Variants in WASHC4 observed in about 807,000 individuals in gnomAD.
WASHC4 encodes WASH complex subunit 7.
A neutral mutation model predicts 166.6 loss-of-function variants in WASHC4; 86 were observed. That is an observed-to-expected ratio of 0.52 (90% CI 0.43 to 0.62). WASHC4 has a LOEUF of 0.62. WASHC4 is among the 20% of genes least tolerant of loss of function. The probability of loss-of-function intolerance (pLI) is 0.00; values close to 1 mark genes in which losing one functional copy is unlikely to be tolerated. For synonymous variants in WASHC4, 446 were observed against 451.6 expected (o/e 0.99, Z 0.16); for missense variants, 1,262 against 1,382.4 (o/e 0.91, Z 1.38).
intron 7 of WASHC4, among the ~76,000 whole-genome samples, chr12:105,119,424 CT>C (rs538736465): frequency 8.7e-4 from 132 of 152,254 alleles, no homozygotes; most frequent in Middle Eastern, 3.4e-3. Context: ...TAACTGATAC[CT>C]GGAAGAGATA....
chr12:105,121,073 A>G, intron 8 of WASHC4, 28 bp from the exon 9 acceptor site: 1 of 1,487,176 alleles, frequency 6.7e-7, no homozygotes, highest in Non-Finnish European at 9.4e-7. Flanking sequence ...TAGTGACTAA[A>G]TGATAATCAT....
chr12:105,153,624 A>G (rs543857391), intron 26 of WASHC4, among the ~76,000 whole-genome samples: 3 of 152,334 alleles, frequency 2.0e-5, no homozygotes, highest in Admixed American at 2.0e-4. Flanking sequence ...ACTAATGCCT[A>G]TATGACATAC....
chr12:105,126,113 T>C lies in WASHC4; in HGVS notation c.896T>C (p.Val299Ala), dbSNP rs755961308. The C allele has an allele frequency of 3.8e-5, 61 of 1,612,926 alleles. 1 individual carries two copies. The highest frequency in any genetic ancestry group is 4.1e-5 in the Non-Finnish European group (48 of 1,179,364). Residue 299 changes from valine (V) to alanine (A), a missense_variant, in exon 11 of 33, where the codon GTA (valine) becomes GCA (alanine). Physicochemically the swap from Val to Ala is moderately conservative, Grantham distance 64. Coordinates refer to ENST00000332180, the MANE Select transcript of WASHC4 (RefSeq NM_015275.3). ...AGTATTCGGTCAATTTTTGCAAATG[T>C]AGAAGCCAAACTTGGTAATGTAAAT... ...AHSIRSIFAN[V>A]EAKLGEPSEI...
chr12:105,121,019 A>T, intron 8 of WASHC4, 82 bp from the exon 9 acceptor site: 1 of 902,158 alleles, frequency 1.1e-6, no homozygotes, highest in East Asian at 2.5e-5. Context: ...TAATCAGCCC[A>T]AATGATTTTA....
At chr12:105,129,242 G>T (rs115749113) in intron 13 of WASHC4, among the ~76,000 whole-genome samples, 4 of 151,892 alleles carry the variant, frequency 2.6e-5, no homozygotes, top group African/African-American at 9.7e-5. Context: ...CCGCGCCAAC[G>T]CCTGGCTAAT....
intron 7 of WASHC4, 49 bp from the exon 8 acceptor site, chr12:105,120,501 ATAAAC>A: frequency 9.6e-7 from 1 of 1,045,672 alleles, no homozygotes; most frequent in Non-Finnish European, 1.5e-6. Flanking sequence ...TGAAATAAGA[ATAAAC>A]TATGACAAAA....
In WASHC4 at chr12:105,121,083, T is replaced by TTTA; in HGVS notation, c.562-17_562-16insTAT. ...CTAACTAGTGACTAAATGATAATCA[T>TTTA]TAAAGGTTTTTTGACAGACTATGTA... On this transcript the variant is annotated splice_polypyrimidine_tract_variant and intron_variant, in intron 8 of 32. Transcript: ENST00000332180. 1 of 1,561,234 alleles carries TTTA rather than the reference T, an allele frequency of 6.4e-7. No individual in the cohort carries two copies.
In WASHC4 at chr12:105,121,196, G is replaced by T. The variant is rs752073946; in HGVS notation, c.657G>T (p.Met219Ile). 4.7e-6 allele frequency: 7 copies of T among 1,500,102 alleles called. No homozygotes were observed. Among genetic ancestry groups the T allele is most frequent in the Non-Finnish European group, 6.5e-6 (7 of 1,077,266 alleles). The allele number at this position is 1,500,102 out of a possible 1,614,324, so 92.9% of individuals were successfully genotyped here. A position where few individuals can be genotyped will look rare whatever the true frequency, so the allele number is the denominator to read the frequency against. ...TCACACTGAAAGACCACTGGACTATGTACAAAAGGTACACCAATTAAAATA... is the reference window on the plus strand; with the variant it reads ...TCACACTGAAAGACCACTGGACTATTTACAAAAGGTACACCAATTAAAATA... ...NHITLKDHWT[M>I]YKRLLKSVHH... is the part of the protein sequence containing the mutation. Residue 219 changes from methionine to isoleucine, a missense_variant, in exon 9 of 33, where the codon ATG becomes ATT. Physicochemically the swap from Met to Ile is conservative, Grantham distance 10. Transcript: ENST00000332180.
chr12:105,164,746 T>G lies in WASHC4; in HGVS notation c.3454+6T>G. ...AGAAAAGAAAGAGAAGGAAGGTCAG[T>G]GAGTGGTTTAAATTTGGAAAGACCA... On this transcript the variant is annotated splice_donor_region_variant and intron_variant, in intron 32 of 32. Coordinates refer to ENST00000332180, the MANE Select transcript of WASHC4 (RefSeq NM_015275.3). The G allele has an allele frequency of 6.2e-7, 1 of 1,601,002 alleles. No individual in the cohort carries two copies. Among genetic ancestry groups the G allele is most frequent in the Non-Finnish European group, 8.6e-7 (1 of 1,169,266 alleles).
chr12:105,152,892 C>A (rs1024777117), intron 26 of WASHC4, among the ~76,000 whole-genome samples: 1 of 152,186 alleles, frequency 6.6e-6, no homozygotes, highest in Admixed American at 6.5e-5. Flanking sequence ...ATGTATTGTC[C>A]TTCTGCCCTT....
chr12:105,166,905 GTGTCTGCTGATCC>G lies in WASHC4; in HGVS notation c.3500_3512del (p.Ser1167LeufsTer2), dbSNP rs2135851315. On this transcript the variant is annotated frameshift_variant, in exon 33 of 33. Coordinates refer to ENST00000332180, the MANE Select transcript of WASHC4 (RefSeq NM_015275.3). LOFTEE classifies it high-confidence loss of function. Reference sequence around the variant, plus strand: ...CAATGGAGACCTGTCTGACAGCACTGTGTCTGCTGATCCTGTTGTGAAATGATACGGATGGTAT... The same window carrying G: ...CAATGGAGACCTGTCTGACAGCACTGTGTTGTGAAATGATACGGATGGTAT... 2 of 1,606,810 alleles carry G rather than the reference GTGTCTGCTGATCC, an allele frequency of 1.2e-6. No homozygotes were observed. Among genetic ancestry groups the G allele is most frequent in the Non-Finnish European group, 1.7e-6 (2 of 1,176,700 alleles).
intron 32 of WASHC4, among the ~76,000 whole-genome samples, chr12:105,165,560 C>T (rs1484350027): frequency 2.0e-5 from 3 of 152,028 alleles, no homozygotes; most frequent in Non-Finnish European, 2.9e-5. Flanking sequence ...TTGTCTTACT[C>T]GTGCTTCATG....
At position 105,122,197 on chromosome 12, in the gene WASHC4, C is replaced by T. The variant is rs1880818655; in HGVS notation, c.745C>T (p.Leu249=). ...EKLKPFEKFL[L]KLEGQLLDGM... ...ATTAAAGCCATTTGAAAAGTTCTTG[C>T]TGAAGCTAGAAGGGCAATTACTGGA... The change falls in exon 10 of 33, where the codon CTG becomes TTG. Residue 249 remains leucine, a synonymous_variant. Coordinates refer to ENST00000332180, the MANE Select transcript of WASHC4 (RefSeq NM_015275.3). 5.6e-6 allele frequency: 9 copies of T among 1,612,706 alleles called. No individual in the cohort carries two copies. Among genetic ancestry groups the T allele is most frequent in the African/African-American group, 1.3e-5 (1 of 74,962 alleles).
Position 105,126,086 on chromosome 12 carries a change from A to T in WASHC4, c.869A>T (p.His290Leu). The part of the protein sequence containing the change: ...KNSTFAEEFA[H>L]SIRSIFANVE... ...AGTACTTTTGCTGAGGAATTTGCAC[A>T]TAGTATTCGGTCAATTTTTGCAAAT... is the stretch of plus-strand genomic sequence containing the variant. The change falls in exon 11 of 33, where the codon CAT becomes CTT. Residue 290 changes from histidine (H) to leucine (L), a missense_variant. Transcript: ENST00000332180. 1 of 1,613,100 alleles carries T rather than the reference A, an allele frequency of 6.2e-7. No individual in the cohort carries two copies. The highest frequency in any genetic ancestry group is 8.5e-7 in the Non-Finnish European group (1 of 1,179,384).
In WASHC4 at chr12:105,152,340, T is replaced by C. The variant is rs773697401; in HGVS notation, c.2650-3T>C. ...AAAAGTAGCCTTAAAATTTTCTGTC[T>C]AGTATCCTTTTGATAGAGCAGAAAA... On this transcript the variant is annotated splice_region_variant and splice_polypyrimidine_tract_variant and intron_variant, in intron 25 of 32. Transcript: ENST00000332180. The C allele has an allele frequency of 5.4e-6, 8 of 1,485,670 alleles. No homozygotes were observed. In the East Asian group the frequency reaches 1.8e-4, roughly 34 times the overall value. 92.0% of individuals were successfully genotyped at this position (1,485,670 alleles called of 1,614,324 possible).
chr12:105,142,679 G>A, intron 19 of WASHC4, 121 bp downstream of exon 19: 1 of 650,382 alleles, frequency 1.5e-6, no homozygotes, highest in Non-Finnish European at 2.7e-6. Flanking sequence ...TTTGTAAACT[G>A]CATATTCATA....
intron 12 of WASHC4, 110 bp downstream of exon 12, chr12:105,126,472 A>G (rs1881294240): frequency 1.8e-5 from 16 of 876,436 alleles, no homozygotes; most frequent in Non-Finnish European, 2.6e-5. Flanking sequence ...ATTTAAAAGT[A>G]TTCACTTGTA....
At chr12:105,159,635 AAAAG>A (rs1035848860) in intron 28 of WASHC4, among the ~76,000 whole-genome samples, 1 of 152,188 alleles carries the variant, frequency 6.6e-6, no homozygotes, top group African/African-American at 2.4e-5. Context: ...GTTCTTGAAA[AAAAG>A]AGCCAGGTTT....
At chr12:105,126,946 A>T (rs554267570) in intron 12 of WASHC4, among the ~76,000 whole-genome samples, 183 bp from the exon 13 acceptor site, 1 of 152,196 alleles carries the variant, frequency 6.6e-6, no homozygotes, top group African/African-American at 2.4e-5. Context: ...TCAACACCAG[A>T]TGTAGAAATG....
Sources: allele counts gnomAD v4.1 joint callset (sites outside exome capture counted in the v4.1 genomes callset), GRCh38; gene constraint gnomAD v4.1.1; transcripts MANE v1.5; gene names NCBI Gene and HGNC (gene_info 2026-07-23, HGNC 2026-07-21).